The following SGK1 variants were observed in gnomAD, a reference collection of about 807,000 sequenced individuals.
SGK1 encodes serum/glucocorticoid regulated kinase 1, also known as serine/threonine-protein kinase Sgk1.
SGK1 carries 26 observed loss-of-function variants against 64.2 expected under a neutral mutation model. That is an observed-to-expected ratio of 0.40 (90% confidence interval 0.30 to 0.56). The LOEUF is 0.56. Ranked by LOEUF, SGK1 falls within the 20% of genes least tolerant of loss-of-function variation. The pLI is 0.38. For synonymous variants in SGK1, 265 were observed against 239.7 expected, an observed-to-expected ratio of 1.11 and a Z score of -0.98; for missense variants, 519 against 645.6, an observed-to-expected ratio of 0.80 and a Z score of 2.12.
intron 3 of SGK1, among the ~76,000 whole-genome samples, chr6:134,191,835 A>ATTTTTTTATTTTTTT (rs1775516754): frequency 1.6e-5 from 1 of 61,204 alleles, no homozygotes; most frequent in African/African-American, 6.7e-5. Flanking sequence ...CGCCCGGCTG[A>ATTTTTTTATTTTTTT]TTTTTTTTTT....
rs372996572 is a variant in SGK1 at position 134,244,605 on chromosome 6, C to T, written c.285+17328G>A. On this transcript the variant is annotated intron_variant, in intron 2 of 13. Transcript: ENST00000367858. ...CCCTTGCACTTCCCGGGTAAGGCAA[C>T]GCCCCCCACCTGCTTCTGCTCGCCC... Among the ~76,000 whole-genome samples, 4 of 152,222 alleles carry T rather than the reference C, an allele frequency of 2.6e-5. No homozygotes were observed. In the East Asian group the frequency reaches 5.8e-4, roughly 22 times the overall value.
At chr6:134,201,069 T>C (rs1038087814) in intron 3 of SGK1, among the ~76,000 whole-genome samples, 2 of 150,106 alleles carry the variant, frequency 1.3e-5, no homozygotes, top group African/African-American at 4.9e-5. Context: ...TTTCTTCTTT[T>C]TTTTTTTTTG....
chr6:134,287,530 T>G (rs1439554678), intron 1 of SGK1, among the ~76,000 whole-genome samples: 1 of 151,438 alleles, frequency 6.6e-6, no homozygotes, highest in African/African-American at 2.4e-5. Flanking sequence ...TATTTGTCTA[T>G]TTATTGGAAA....
intron 2 of SGK1, among the ~76,000 whole-genome samples, chr6:134,226,271 C>A (rs1776176648): frequency 6.6e-6 from 1 of 152,114 alleles, no homozygotes; most frequent in African/African-American, 2.4e-5. Flanking sequence ...ACTGTTAAAC[C>A]AAATCTGTTA....
intron 1 of SGK1, among the ~76,000 whole-genome samples, chr6:134,315,496 A>C (rs1348703344): frequency 6.7e-6 from 1 of 149,244 alleles, no homozygotes; most frequent in African/African-American, 2.5e-5. Flanking sequence ...CTATTGGTAA[A>C]CTTGCTTTTA....
At chr6:134,242,288 CCAGCCTGGCCAACGTGG>C (rs1169715947) in intron 2 of SGK1, among the ~76,000 whole-genome samples, 3 of 151,866 alleles carry the variant, frequency 2.0e-5, no homozygotes, top group Admixed American at 1.3e-4. Flanking sequence ...GAGTTCGAGA[CCAGCCTGGCCAACGTGG>C]CAAAACCCTG....
chr6:134,227,471 C>G (rs1399501625), intron 2 of SGK1, among the ~76,000 whole-genome samples: 2 of 152,154 alleles, frequency 1.3e-5, no homozygotes, highest in African/African-American at 4.8e-5. Flanking sequence ...CTGGAGCTAT[C>G]TGAAGGACTA....
intron 2 of SGK1, among the ~76,000 whole-genome samples, chr6:134,214,772 T>A (rs1775950746): frequency 6.6e-6 from 1 of 152,180 alleles, no homozygotes; most frequent in South Asian, 2.1e-4. Flanking sequence ...CTTGTTTAAA[T>A]CCTCATGGCT....
At chr6:134,208,339 AAAT>A (rs1775827105) in intron 2 of SGK1, among the ~76,000 whole-genome samples, 1 of 152,164 alleles carries the variant, frequency 6.6e-6, no homozygotes, top group Admixed American at 6.6e-5. Flanking sequence ...TTTTAATGAT[AAAT>A]AATATTTATT....
At chr6:134,253,892 C>G (rs897222112) in intron 2 of SGK1, among the ~76,000 whole-genome samples, 2 of 152,148 alleles carry the variant, frequency 1.3e-5, no homozygotes, top group Non-Finnish European at 2.9e-5. Context: ...TTGGCTTCAG[C>G]ATTTGGTCGC....
chr6:134,170,849 T>C lies in SGK1; in HGVS notation c.1390A>G (p.Thr464Ala), dbSNP rs1163695741. 3.1e-6 allele frequency: 5 copies of C among 1,608,404 alleles called. No individual in the cohort carries two copies. The highest frequency in any genetic ancestry group is 4.3e-6 in the Non-Finnish European group (5 of 1,175,144). The change falls in exon 13 of 14, where the codon ACT becomes GCT. Residue 464 changes from threonine (T) to alanine (A), a missense_variant. Coordinates refer to ENST00000367858, the MANE Select transcript of SGK1 (RefSeq NM_001143676.3). ...NWDDLINKKI[T>A]PPFNPNVSGP... ...ACCACATTTGGGTTAAAAGGGGGAG[T>C]AATCTTCTTATTAATGAGATCATCC...
chr6:134,186,267 T>A (rs1051368879), intron 3 of SGK1, among the ~76,000 whole-genome samples: 1 of 152,162 alleles, frequency 6.6e-6, no homozygotes, highest in South Asian at 2.1e-4. Context: ...AACATACCAG[T>A]CCCTTCCCCA....
At chr6:134,302,824 G>A (rs1777477871) in intron 1 of SGK1, among the ~76,000 whole-genome samples, 1 of 151,782 alleles carries the variant, frequency 6.6e-6, no homozygotes, top group Admixed American at 6.6e-5. Flanking sequence ...GGGTGATCTT[G>A]GCTCACTGCA....
intron 2 of SGK1, among the ~76,000 whole-genome samples, chr6:134,244,519 C>A (rs1776494595): frequency 6.6e-6 from 1 of 152,076 alleles, no homozygotes; most frequent in Non-Finnish European, 1.5e-5. Flanking sequence ...CTGGATAGCA[C>A]CGTCCCTCAC....
chr6:134,174,524 AG>A lies in SGK1; in HGVS notation c.423del (p.Tyr142MetfsTer12). The A allele has an allele frequency of 6.2e-7, 1 of 1,612,658 alleles. No homozygotes were observed. Among genetic ancestry groups the A allele is most frequent in the Non-Finnish European group, 8.5e-7 (1 of 1,178,620 alleles). On this transcript the variant is annotated frameshift_variant, in exon 4 of 14. Transcript: ENST00000367858. LOFTEE classifies it high-confidence loss of function. ...GGTCAAACTTACTGTTTGCATGCAT[AG>A]GAGTTATTGGCAATCTTCTGAATAA... ...NDFIQKIANNSYACKHPEVQS... is the reference protein window; with the variant it reads ...NDFIQKIANNXYACKHPEVQS...
At chr6:134,276,625 AG>A (rs1777020930) in intron 1 of SGK1, among the ~76,000 whole-genome samples, 1 of 152,180 alleles carries the variant, frequency 6.6e-6, no homozygotes, top group Admixed American at 6.5e-5. Flanking sequence ...AATTGGGCCC[AG>A]GGGAAAAGCA....
chr6:134,172,232 T>C lies in SGK1; in HGVS notation c.1032A>G (p.Glu344=). The change falls in exon 10 of 14, where the codon GAA becomes GAG. Residue 344 remains glutamate, a synonymous_variant. Transcript: ENST00000367858. ...AGAAGGTGGATGTTGTGCTGTTGTGTTCAATGTTCTCCTTGCAGAGTCCGA... is the reference window on the plus strand; with the variant it reads ...AGAAGGTGGATGTTGTGCTGTTGTGCTCAATGTTCTCCTTGCAGAGTCCGA... The part of the protein sequence containing the change: ...TDFGLCKENI[E]HNSTTSTFCG... 6.2e-7 allele frequency: 1 copy of C among 1,614,220 alleles called. No homozygotes were observed. The highest frequency in any genetic ancestry group is 8.5e-7 in the Non-Finnish European group (1 of 1,180,032).
intron 1 of SGK1, among the ~76,000 whole-genome samples, chr6:134,314,230 C>G (rs1777645201): frequency 6.6e-6 from 1 of 152,040 alleles, no homozygotes; most frequent in East Asian, 1.9e-4. Context: ...TTCCTAGAAT[C>G]TGGGTTCCCC....
At chr6:134,198,807 G>A (rs2114674116) in intron 3 of SGK1, among the ~76,000 whole-genome samples, 1 of 142,976 alleles carries the variant, frequency 7.0e-6, no homozygotes, top group East Asian at 2.0e-4. Context: ...CTGAGTAGCT[G>A]GAATTATAGG....
Sources: gnomAD v4.1 joint callset for allele counts (sites outside exome capture counted in the v4.1 genomes callset) on GRCh38, gnomAD v4.1.1 for gene constraint, MANE v1.5 for transcripts, NCBI Gene and HGNC (gene_info 2026-07-23, HGNC 2026-07-21) for gene names.